Variants in HYDIN observed in about 807,000 individuals in gnomAD.
HYDIN encodes HYDIN axonemal central pair apparatus protein, also known as axonemal central pair apparatus protein HYDIN.
A neutral mutation model predicts 403.9 loss-of-function variants in HYDIN; 132 were observed. The ratio of observed to expected loss-of-function variants is 0.33; its 90% confidence interval spans 0.28 to 0.38. The LOEUF (loss-of-function observed/expected upper bound fraction) is 0.38. HYDIN is among the 10% of genes least tolerant of loss of function. The pLI is 1.00. For synonymous variants in HYDIN, 1,202 were observed against 1,891.7 expected, an observed-to-expected ratio of 0.64 and a Z score of 9.46; for missense variants, 2,827 against 5,009.5, an observed-to-expected ratio of 0.56 and a Z score of 13.15.
Position 70,908,280 on chromosome 16 carries a change from T to C in HYDIN, c.8368A>G (p.Thr2790Ala). The change falls in exon 49 of 86, where the codon ACT becomes GCT. Residue 2790 changes from threonine (T) to alanine (A), a missense_variant. Coordinates refer to ENST00000393567, the MANE Select transcript of HYDIN (RefSeq NM_001270974.2). ...QYQLYCRGIC[T>A]YPYICQDPKV... ...GGGTCTTGGCAAATGTATGGGTAAGTGCAGATGCCTCGGCAGTAGAGCTGG... is the reference window on the plus strand; with the variant it reads ...GGGTCTTGGCAAATGTATGGGTAAGCGCAGATGCCTCGGCAGTAGAGCTGG... 2 of 1,305,168 alleles carry C rather than the reference T, an allele frequency of 1.5e-6. No individual in the cohort carries two copies. Among genetic ancestry groups the C allele is most frequent in the Admixed American group, 2.2e-5 (1 of 45,206 alleles). The allele number at this position is 1,305,168 out of a possible 1,614,324, so 80.8% of individuals were successfully genotyped here.
intron 3 of HYDIN, among the ~76,000 whole-genome samples, chr16:71,181,318 T>C (rs756907487): frequency 1.3e-5 from 2 of 151,970 alleles, no homozygotes; most frequent in South Asian, 2.1e-4. Flanking sequence ...GGATTTGCTA[T>C]ATCAGGTAGC....
At chr16:70,867,139 G>A (rs1424085617) in intron 66 of HYDIN, among the ~76,000 whole-genome samples, 2 of 144,822 alleles carry the variant, frequency 1.4e-5, no homozygotes, top group Non-Finnish European at 3.0e-5. Flanking sequence ...CAAAATATAA[G>A]TATCATAATT....
chr16:71,043,578 TG>T (rs1416737823), intron 18 of HYDIN, among the ~76,000 whole-genome samples: 1 of 151,704 alleles, frequency 6.6e-6, no homozygotes, highest in African/African-American at 2.4e-5. Flanking sequence ...AGCTTACTTT[TG>T]TTCTTGTTCT....
chr16:71,205,514 G>A, intron 1 of HYDIN, among the ~76,000 whole-genome samples: 1 of 152,192 alleles, frequency 6.6e-6, no homozygotes, highest in East Asian at 1.9e-4. Flanking sequence ...CGAGTCCAAG[G>A]GGACCCCCAC....
At chr16:71,214,047 AATTATTAGAATCAATAGGTTTAGCAAT>A (rs2088738715) in intron 1 of HYDIN, among the ~76,000 whole-genome samples, 1 of 152,138 alleles carries the variant, frequency 6.6e-6, no homozygotes, top group Admixed American at 6.5e-5. Context: ...AGCTGACATA[AATTATTAGAATCAATAGGTTTAGCAAT>A]ATTGCTAAAT....
chr16:70,857,179 T>G (rs1025124982), intron 72 of HYDIN, among the ~76,000 whole-genome samples: 1 of 113,386 alleles, frequency 8.8e-6, no homozygotes, highest in African/African-American at 3.7e-5. Context: ...TGGTAGCCTG[T>G]TTCTTATTTC....
intron 1 of HYDIN, among the ~76,000 whole-genome samples, chr16:71,192,263 C>T (rs1294370293): frequency 2.0e-5 from 3 of 152,130 alleles, no homozygotes; most frequent in Non-Finnish European, 4.4e-5. Context: ...TGCTGCCCCT[C>T]CTTCGTTAAT....
intron 19 of HYDIN, among the ~76,000 whole-genome samples, chr16:71,030,431 CTTTCTTTTTT>C (rs1233882050): frequency 2.9e-5 from 4 of 138,626 alleles, no homozygotes; most frequent in African/African-American, 5.0e-5. Flanking sequence ...TTCTTCTTTT[CTTTCTTTTTT>C]TTTTTTTTTA....
intron 85 of HYDIN, among the ~76,000 whole-genome samples, chr16:70,809,239 A>T (rs2143419134): frequency 6.6e-6 from 1 of 152,194 alleles, no homozygotes; most frequent in East Asian, 1.9e-4. Context: ...TAGTAGTTGA[A>T]CCTATATTCC....
intron 4 of HYDIN, among the ~76,000 whole-genome samples, chr16:71,177,734 A>G (rs901608722): frequency 2.0e-5 from 3 of 152,114 alleles, no homozygotes; most frequent in African/African-American, 7.2e-5. Context: ...TTATACCCAG[A>G]TTTCCCATCT....
intron 45 of HYDIN, among the ~76,000 whole-genome samples, chr16:70,932,666 G>A (rs2077380180): frequency 6.6e-6 from 1 of 152,226 alleles, no homozygotes; most frequent in South Asian, 2.1e-4. Context: ...AGTGGCCAGG[G>A]AAGGCCTTGC....
chr16:71,222,081 T>C (rs1257077753), intron 1 of HYDIN, among the ~76,000 whole-genome samples: 1 of 152,238 alleles, frequency 6.6e-6, no homozygotes, highest in Non-Finnish European at 1.5e-5. Flanking sequence ...CTGGAGTCTT[T>C]CTGAGCCTAC....
At chr16:70,877,334 G>A (rs2040506605) in intron 62 of HYDIN, among the ~76,000 whole-genome samples, 1 of 151,518 alleles carries the variant, frequency 6.6e-6, no homozygotes, top group Admixed American at 6.6e-5. Flanking sequence ...TTAATCCACA[G>A]AATCAAGAAG....
chr16:70,925,945 A>G (rs1314433474), intron 45 of HYDIN, among the ~76,000 whole-genome samples: 6 of 149,096 alleles, frequency 4.0e-5, no homozygotes, highest in Non-Finnish European at 7.5e-5. Context: ...GGCAATCATT[A>G]AAAAGTCAGG....
intron 23 of HYDIN, among the ~76,000 whole-genome samples, chr16:71,012,070 G>A (rs1043002313): frequency 4.6e-5 from 7 of 152,290 alleles, no homozygotes; most frequent in African/African-American, 1.7e-4. Context: ...AGAGATGCCA[G>A]CCAAGCCAGA....
intron 10 of HYDIN, among the ~76,000 whole-genome samples, chr16:71,102,670 T>A (rs1301614372): frequency 6.6e-6 from 1 of 151,654 alleles, no homozygotes; most frequent in African/African-American, 2.4e-5. Context: ...GTTTCGTGCT[T>A]TCCTCTTTAA....
At chr16:70,976,944 G>A (rs1047158657) in intron 30 of HYDIN, among the ~76,000 whole-genome samples, 7 of 152,040 alleles carry the variant, frequency 4.6e-5, no homozygotes, top group South Asian at 2.1e-4. Flanking sequence ...GAGGAGCAGC[G>A]TCTGCTGACA....
intron 84 of HYDIN, among the ~76,000 whole-genome samples, chr16:70,813,120 T>C (rs2035611116): frequency 6.6e-6 from 1 of 152,032 alleles, no homozygotes; most frequent in South Asian, 2.1e-4. Flanking sequence ...GGCCGGCTAA[T>C]TTTTGTATTT....
chr16:70,875,713 T>A (rs557575032), intron 62 of HYDIN, among the ~76,000 whole-genome samples: 220 of 152,268 alleles, frequency 1.4e-3, no homozygotes, highest in African/African-American at 5.0e-3. Flanking sequence ...TGGGTGGAAA[T>A]CCTAAATGTT....
Sources: allele counts gnomAD v4.1 joint callset (sites outside exome capture counted in the v4.1 genomes callset), GRCh38; gene constraint gnomAD v4.1.1; transcripts MANE v1.5; gene names NCBI Gene and HGNC (gene_info 2026-07-23, HGNC 2026-07-21).